The following CEP112 variants were observed in gnomAD, a reference collection of about 807,000 sequenced individuals.
CEP112 encodes the protein centrosomal protein of 112 kDa.
Under a neutral mutation model 153.0 loss-of-function variants are expected in CEP112, and 127 were observed. The observed-to-expected ratio is 0.83, with a 90% CI of 0.72 to 0.96. The LOEUF (loss-of-function observed/expected upper bound fraction) is 0.96. Among genes scored for constraint, CEP112 ranks in the 40% least tolerant of loss-of-function variants. The pLI, the probability that CEP112 is intolerant of heterozygous loss-of-function variation, is 0.00. For synonymous variants in CEP112, 358 were observed against 374.4 expected (o/e 0.96, Z 0.51); for missense variants, 1,089 against 1,101.2 (o/e 0.99, Z 0.16).
rs550586350 is a variant in CEP112, at chr17:65,788,108, G to A, written c.2395-37384C>T. ...CTCCCTCCTATTCCTAGCTTATTAA[G>A]ATTATCACAGATATGAGTTGAATTT... On this transcript the variant is annotated intron_variant, in intron 21 of 26. Coordinates refer to ENST00000535342, the MANE Select transcript of CEP112 (RefSeq NM_001199165.4). Among the ~76,000 whole-genome samples, 10 of 152,226 alleles carry A rather than the reference G, an allele frequency of 6.6e-5. No homozygotes were observed. The East Asian group carries it at 1.9e-3, about 29-fold the overall frequency.
intron 17 of CEP112, among the ~76,000 whole-genome samples, chr17:65,990,040 T>A (rs2063540812): frequency 6.6e-6 from 1 of 151,872 alleles, no homozygotes; most frequent in African/African-American, 2.4e-5. Context: ...TTACTAAAAA[T>A]AAAAAGCAAT....
At chr17:66,037,119 G>A (rs1026889099) in intron 12 of CEP112, among the ~76,000 whole-genome samples, 3 of 152,116 alleles carry the variant, frequency 2.0e-5, no homozygotes, top group African/African-American at 7.2e-5. Context: ...TAAAGGAACA[G>A]ACCAGTAGAA....
chr17:65,961,815 C>T (rs1265601552), intron 17 of CEP112, among the ~76,000 whole-genome samples: 1 of 152,182 alleles, frequency 6.6e-6, no homozygotes, highest in Admixed American at 6.5e-5. Flanking sequence ...GGCAAAACTG[C>T]TTTCAAAGAT....
At position 65,869,271 on chromosome 17, in the gene CEP112, A is replaced by G. The variant is rs916448311; in HGVS notation, c.2164-17237T>C. On this transcript the variant is annotated intron_variant, in intron 20 of 26. Coordinates refer to ENST00000535342, the MANE Select transcript of CEP112 (RefSeq NM_001199165.4). ...TTCAAAAATTGTTCTGAGAGCCAATAAGGCATATTTGGTATTATCGGAAGT... is the reference window on the plus strand; with the variant it reads ...TTCAAAAATTGTTCTGAGAGCCAATGAGGCATATTTGGTATTATCGGAAGT... Among the ~76,000 whole-genome samples the G allele has an allele frequency of 6.6e-5, 10 of 152,368 alleles. 1 individual carries two copies. The East Asian group carries it at 1.9e-3, about 29-fold the overall frequency.
chr17:65,819,781 C>T (rs2056439060), intron 21 of CEP112, among the ~76,000 whole-genome samples: 1 of 151,798 alleles, frequency 6.6e-6, no homozygotes, highest in Admixed American at 6.6e-5. Context: ...ACTTCAAAAG[C>T]GTCAAAGTCA....
intron 20 of CEP112, among the ~76,000 whole-genome samples, chr17:65,859,160 T>C (rs1353872938): frequency 6.6e-6 from 1 of 152,058 alleles, no homozygotes; most frequent in Non-Finnish European, 1.5e-5. Context: ...AGAAAAAACA[T>C]TGGCCAGGTG....
chr17:66,036,190 A>C (rs1443290), intron 12 of CEP112, among the ~76,000 whole-genome samples: 1 of 152,124 alleles, frequency 6.6e-6, no homozygotes. Flanking sequence ...AAGTAGAGTG[A>C]TGATTGCCAG....
intron 23 of CEP112, among the ~76,000 whole-genome samples, chr17:65,705,012 C>T (rs568225749): frequency 4.6e-5 from 7 of 152,302 alleles, no homozygotes; most frequent in East Asian, 1.9e-4. Context: ...AAAGCATACA[C>T]GTGATGGTGT....
intron 21 of CEP112, among the ~76,000 whole-genome samples, chr17:65,819,706 T>C (rs2056435737): frequency 6.6e-6 from 1 of 151,944 alleles, no homozygotes; most frequent in Admixed American, 6.6e-5. Context: ...TTGCCAGAAA[T>C]GCATAACCTC....
intron 12 of CEP112, among the ~76,000 whole-genome samples, chr17:66,048,696 G>A (rs2066317595): frequency 6.6e-6 from 1 of 151,582 alleles, no homozygotes; most frequent in African/African-American, 2.4e-5. Flanking sequence ...TGTAACCTCT[G>A]TCTCCTGGGT....
At chr17:65,734,405 A>G (rs1226637405) in intron 23 of CEP112, among the ~76,000 whole-genome samples, 1 of 152,196 alleles carries the variant, frequency 6.6e-6, no homozygotes, top group African/African-American at 2.4e-5. Flanking sequence ...CCACTCTTAC[A>G]AACTGACAAC....
chr17:65,933,853 C>G (rs1420795), intron 18 of CEP112, among the ~76,000 whole-genome samples: 72,863 of 152,046 alleles, frequency 0.48, 18,456 homozygotes, highest in East Asian at 0.89. Flanking sequence ...TAGTATGATG[C>G]TTAAAAAACA....
chr17:65,954,935 A>G (rs2061953718), intron 18 of CEP112, among the ~76,000 whole-genome samples: 1 of 152,244 alleles, frequency 6.6e-6, no homozygotes, highest in South Asian at 2.1e-4. Context: ...TTTGGAAAAC[A>G]TATTTGAGGG....
At chr17:66,161,467 T>C (rs1266985721) in intron 4 of CEP112, among the ~76,000 whole-genome samples, 1 of 151,722 alleles carries the variant, frequency 6.6e-6, no homozygotes, top group Non-Finnish European at 1.5e-5. Context: ...ATAAAGAAAA[T>C]GTGGCACATA....
At chr17:65,838,962 T>C (rs758952812) in intron 21 of CEP112, among the ~76,000 whole-genome samples, 3 of 152,020 alleles carry the variant, frequency 2.0e-5, no homozygotes, top group East Asian at 1.9e-4. Context: ...TATGAAGAAA[T>C]AGAAAACCAG....
intron 18 of CEP112, among the ~76,000 whole-genome samples, chr17:65,934,207 A>G (rs1490440413): frequency 2.6e-5 from 4 of 152,242 alleles, no homozygotes; most frequent in African/African-American, 7.2e-5. Flanking sequence ...AAATTGTTAA[A>G]GGATACAAAT....
chr17:65,724,617 G>A (rs1482772217), intron 23 of CEP112, among the ~76,000 whole-genome samples: 2 of 152,054 alleles, frequency 1.3e-5, no homozygotes, highest in African/African-American at 2.4e-5. Context: ...TTCTAGAAAT[G>A]TTTACACACA....
intron 18 of CEP112, among the ~76,000 whole-genome samples, chr17:65,937,433 C>T (rs1384538404): frequency 1.8e-3 from 189 of 105,522 alleles, no homozygotes; most frequent in South Asian, 5.1e-3. Flanking sequence ...CCCACCGCCC[C>T]GTCTGGGAGG....
At chr17:65,678,113 A>G (rs1013649882) in intron 24 of CEP112, among the ~76,000 whole-genome samples, 1 of 152,140 alleles carries the variant, frequency 6.6e-6, no homozygotes, top group Admixed American at 6.5e-5. Flanking sequence ...ATCAGTAGTC[A>G]TCAAACATTT....
Sources: allele counts gnomAD v4.1 joint callset (sites outside exome capture counted in the v4.1 genomes callset), GRCh38; gene constraint gnomAD v4.1.1; transcripts MANE v1.5; gene names NCBI Gene and HGNC (gene_info 2026-07-23, HGNC 2026-07-21).